ZNF619: variants seen among roughly 807,000 people sequenced by gnomAD.
ZNF619 encodes zinc finger protein 619.
A neutral mutation model predicts 14.2 loss-of-function variants in ZNF619; 9 were observed. That is an observed-to-expected ratio of 0.64 (90% CI 0.38 to 1.11). The LOEUF (loss-of-function observed/expected upper bound fraction) is 1.11. ZNF619 is among the 50% of genes least tolerant of loss of function. ZNF619 has a pLI of 0.01. For missense variants in ZNF619, 659 were observed against 680.1 expected (o/e 0.97, Z 0.34); for synonymous variants, 246 against 252.8 (o/e 0.97, Z 0.26).
In ZNF619 at chr3:40,481,901, C is replaced by A; in HGVS notation, c.63C>A (p.Thr21=). The change falls in exon 3 of 5, where the codon ACC becomes ACA. Residue 21 remains threonine (T), a synonymous_variant. Transcript: ENST00000432264. ...GRNLLFQEPV[T]FEDVAVYFTQ... is the part of the protein sequence containing the mutation. ...ACCTGTTGTTTCAGGAGCCAGTAAC[C>A]TTTGAGGATGTGGCTGTGTACTTCA... is the stretch of plus-strand genomic sequence containing the variant. The A allele has an allele frequency of 6.2e-7, 1 of 1,613,422 alleles. No homozygotes were observed. The highest frequency in any genetic ancestry group is 8.5e-7 in the Non-Finnish European group (1 of 1,179,602).
rs1336419174 is a variant in ZNF619, at chr3:40,487,144, T to G, written c.634T>G (p.Tyr212Asp). 6.2e-7 allele frequency: 1 copy of G among 1,614,110 alleles called. No homozygotes were observed. The highest frequency in any genetic ancestry group is 2.2e-5 in the East Asian group (1 of 44,880). ...TTATAAATGTGGTGAGTGTGGCAGT[T>G]ACTACAACCCACATTCAGACTTTCA... ...VFYKCGECGSYYNPHSDFHLH... is the reference protein window; with the variant it reads ...VFYKCGECGSDYNPHSDFHLH... Residue 212 changes from tyrosine (Y) to aspartate (D), a missense_variant, in exon 5 of 5, where the codon TAC becomes GAC. Coordinates refer to ENST00000432264, the MANE Select transcript of ZNF619 (RefSeq NM_001145093.4).
chr3:40,486,415 T>TG (rs1697580439), intron 4 of ZNF619, among the ~76,000 whole-genome samples: 1 of 152,040 alleles, frequency 6.6e-6, no homozygotes, highest in African/African-American at 2.4e-5. Flanking sequence ...CTAGTGGGCG[T>TG]GGTGGCTCAC....
In ZNF619 at chr3:40,482,334, G is replaced by A; in HGVS notation, c.179-254G>A. 2 of 1,554,098 alleles carry A rather than the reference G, an allele frequency of 1.3e-6. No individual in the cohort carries two copies. Among genetic ancestry groups the A allele is most frequent in the Non-Finnish European group, 1.7e-6 (2 of 1,147,982 alleles). On this transcript the variant is annotated intron_variant, in intron 3 of 4. Transcript: ENST00000432264. ...TTCCAGTTCCCTGGAGCTGATCTTG[G>A]CCCTATTGCCTATGTGTGAGTCCCC... is the stretch of plus-strand genomic sequence containing the variant.
rs548294696 is a variant in ZNF619 at position 40,486,281 on chromosome 3, C to G, written c.296-525C>G. On this transcript the variant is annotated intron_variant, in intron 4 of 4. Transcript: ENST00000432264. ...TTTAACCATTTGCCTCAATTAATAG[C>G]TTCTGCCATCCACACTGTTTTTGTC... Among the ~76,000 whole-genome samples the G allele has an allele frequency of 1.5e-3, 227 of 152,362 alleles. 2 individuals carry two copies. Among genetic ancestry groups the G allele is most frequent in the African/African-American group, 5.3e-3 (220 of 41,580 alleles).
Position 40,487,411 on chromosome 3 carries a change from T to C in ZNF619, c.901T>C (p.Ser301Pro). 6.2e-7 allele frequency: 1 copy of C among 1,614,210 alleles called. No homozygotes were observed. Among genetic ancestry groups the C allele is most frequent in the Middle Eastern group, 1.6e-4 (1 of 6,062 alleles). ...TDCGKTFSYNSKLIRHQRIHT... is the reference protein window; with the variant it reads ...TDCGKTFSYNPKLIRHQRIHT... The stretch of plus-strand genomic sequence containing the variant: ...CTGTGGTAAAACCTTCAGTTATAAT[T>C]CAAAACTGATTCGGCATCAGAGAAT... Residue 301 changes from serine (S) to proline (P), a missense_variant, in exon 5 of 5, where the codon TCA becomes CCA. Ser to Pro is a moderately conservative substitution (Grantham distance 74, BLOSUM62 -1). Coordinates refer to ENST00000432264, the MANE Select transcript of ZNF619 (RefSeq NM_001145093.4).
chr3:40,482,300 C>T, intron 3 of ZNF619: 1 of 1,552,262 alleles, frequency 6.4e-7, no homozygotes, highest in Non-Finnish European at 8.7e-7. Flanking sequence ...TGTCTTCATT[C>T]CTTCCATCTT....
chr3:40,477,659 A>T (rs1338222625), intron 1 of ZNF619: 5 of 341,740 alleles, frequency 1.5e-5, no homozygotes, highest in East Asian at 6.2e-5. Context: ...AATTTTTTTT[A>T]AAAAACAGCC....
At chr3:40,479,217 G>A (rs1697302784) in intron 2 of ZNF619, among the ~76,000 whole-genome samples, 2 of 152,116 alleles carry the variant, frequency 1.3e-5, no homozygotes, top group African/African-American at 2.4e-5. Context: ...AAAAAAAGAT[G>A]AACCTCTCTC....
Position 40,487,979 on chromosome 3 carries a change from C to A in ZNF619, c.1469C>A (p.Ser490Tyr). Residue 490 changes from serine to tyrosine, a missense_variant, in exon 5 of 5, where the codon TCC (serine) becomes TAC (tyrosine). Ser to Tyr is a moderately radical substitution (Grantham distance 144). Transcript: ENST00000432264. ...AAACTCATCAATGGAACAGGGCTAT[C>A]CGCAGTTAAGCCCTACTGTCCCTGC... is the stretch of plus-strand genomic sequence containing the variant. Reference protein sequence around the residue: ...RKKLINGTGLSAVKPYCPCAI... With the variant: ...RKKLINGTGLYAVKPYCPCAI... 6.2e-7 allele frequency: 1 copy of A among 1,614,214 alleles called. No homozygotes were observed. The highest frequency in any genetic ancestry group is 1.1e-5 in the South Asian group (1 of 91,084).
Position 40,487,694 on chromosome 3 carries a change from C to A in ZNF619, c.1184C>A (p.Thr395Asn). 6.2e-7 allele frequency: 1 copy of A among 1,614,114 alleles called. No individual in the cohort carries two copies. Among genetic ancestry groups the A allele is most frequent in the Non-Finnish European group, 8.5e-7 (1 of 1,180,024 alleles). ...TTTCTTCAGCACCAGAGGTTCCACACTGGGGAACAACTCTACAAATGTAAT... is the reference window on the plus strand; with the variant it reads ...TTTCTTCAGCACCAGAGGTTCCACAATGGGGAACAACTCTACAAATGTAAT... Reference protein sequence around the residue: ...SVFLQHQRFHTGEQLYKCNEC... With the variant: ...SVFLQHQRFHNGEQLYKCNEC... The change falls in exon 5 of 5, where the codon ACT (threonine) becomes AAT (asparagine). Residue 395 changes from threonine (T) to asparagine (N), a missense_variant. Physicochemically the swap from Thr to Asn is moderately conservative, Grantham distance 65 (BLOSUM62 0). Transcript: ENST00000432264.
In ZNF619 at chr3:40,491,050, A is replaced by G. The variant is rs1697788631; in HGVS notation, c.*2809A>G. On this transcript the variant is annotated 3_prime_UTR_variant, in exon 5 of 5. Transcript: ENST00000432264. ...CTAAATAAACTTCTTTTCTTTATAA[A>G]TTACCCAATCTGTGATATTCTGTTA... Among the ~76,000 whole-genome samples, 1 of 152,150 alleles carries G rather than the reference A, an allele frequency of 6.6e-6. No homozygotes were observed. Among genetic ancestry groups the G allele is most frequent in the Non-Finnish European group, 1.5e-5 (1 of 68,024 alleles).
At chr3:40,478,248 T>C (rs141029418) in intron 2 of ZNF619, among the ~76,000 whole-genome samples, 1 of 152,288 alleles carries the variant, frequency 6.6e-6, no homozygotes, top group East Asian at 1.9e-4. Flanking sequence ...ACTGAAAGTG[T>C]GGCCTGGAGA....
rs973736119 is a variant in ZNF619, at chr3:40,490,832, G to C, written c.*2591G>C. Among the ~76,000 whole-genome samples, 2 of 152,152 alleles carry C rather than the reference G, an allele frequency of 1.3e-5. No homozygotes were observed. The highest frequency in any genetic ancestry group is 4.8e-5 in the African/African-American group (2 of 41,428). On this transcript the variant is annotated 3_prime_UTR_variant, in exon 5 of 5. Transcript: ENST00000432264. The stretch of plus-strand genomic sequence containing the variant: ...CTATTAGTAGTTACATTTTTGGGGA[G>C]TTAAAAGTTATACATGGCATGGGGG...
In ZNF619 at chr3:40,487,419, G is replaced by A. The variant is rs769372724; in HGVS notation, c.909G>A (p.Leu303=). ...AAACCTTCAGTTATAATTCAAAACT[G>A]ATTCGGCATCAGAGAATCCATACTG... ...CGKTFSYNSK[L]IRHQRIHTGE... is the part of the protein sequence containing the mutation. Residue 303 remains leucine (L), a synonymous_variant, in exon 5 of 5, where the codon CTG becomes CTA. Coordinates refer to ENST00000432264, the MANE Select transcript of ZNF619 (RefSeq NM_001145093.4). 1 of 1,614,192 alleles carries A rather than the reference G, an allele frequency of 6.2e-7. No individual in the cohort carries two copies. Among genetic ancestry groups the A allele is most frequent in the Non-Finnish European group, 8.5e-7 (1 of 1,180,040 alleles).
intron 2 of ZNF619, among the ~76,000 whole-genome samples, chr3:40,479,310 A>C (rs1697306683): frequency 6.6e-6 from 1 of 152,072 alleles, no homozygotes; most frequent in Non-Finnish European, 1.5e-5. Context: ...GTTGAGTGCA[A>C]CCTCAAGTAA....
chr3:40,477,615 A>C (rs1333863039), intron 1 of ZNF619, among the ~76,000 whole-genome samples: 2 of 152,178 alleles, frequency 1.3e-5, no homozygotes, highest in Non-Finnish European at 2.9e-5. Context: ...ATTCAATACA[A>C]ACTGTTTAGT....
chr3:40,487,014 T>G lies in ZNF619; in HGVS notation c.504T>G (p.His168Gln). Residue 168 changes from histidine (H) to glutamine (Q), a missense_variant, in exon 5 of 5, where the codon CAT (histidine) becomes CAG (glutamine). His to Gln is a conservative substitution (Grantham distance 24). Transcript: ENST00000432264. ...GCACAGATTTGACAGTCCAGGATCA[T>G]GAATCTTCCACCACTGAAAGGGAGG... ...GDCTDLTVQDHESSTTEREEI... is the reference protein window; with the variant it reads ...GDCTDLTVQDQESSTTEREEI... The G allele has an allele frequency of 6.2e-7, 1 of 1,614,138 alleles. No individual in the cohort carries two copies. The highest frequency in any genetic ancestry group is 8.5e-7 in the Non-Finnish European group (1 of 1,180,006).
At chr3:40,484,086 CG>C (rs1432282445) in intron 4 of ZNF619, among the ~76,000 whole-genome samples, 31 of 152,082 alleles carry the variant, frequency 2.0e-4, no homozygotes, top group African/African-American at 7.2e-4. Context: ...CCACCACACC[CG>C]GCTAATTTTT....
Position 40,488,005 on chromosome 3 carries a change from G to A in ZNF619, c.1495G>A (p.Ala499Thr), listed in dbSNP as rs145206026. The change falls in exon 5 of 5, where the codon GCC becomes ACC. Residue 499 changes from alanine (A) to threonine (T), a missense_variant. By Grantham distance (58) the Ala-to-Thr change is moderately conservative. Transcript: ENST00000432264. ...CGCAGTTAAGCCCTACTGTCCCTGC[G>A]CCATCCTCTCTCCTCTGCCTCCCCA... Reference protein sequence around the residue: ...LSAVKPYCPCAILSPLPPQHT... With the variant: ...LSAVKPYCPCTILSPLPPQHT... The A allele has an allele frequency of 6.1e-5, 99 of 1,613,972 alleles. No homozygotes were observed. The highest frequency in any genetic ancestry group is 1.8e-4 in the Admixed American group (11 of 60,002).
Sources: gnomAD v4.1 joint callset for allele counts (sites outside exome capture counted in the v4.1 genomes callset) on GRCh38, gnomAD v4.1.1 for gene constraint, MANE v1.5 for transcripts, NCBI Gene and HGNC (gene_info 2026-07-23, HGNC 2026-07-21) for gene names.